ARHGAP42: variants seen among roughly 807,000 people sequenced by gnomAD.
The protein encoded by ARHGAP42 is rho GTPase-activating protein 42.
ARHGAP42 carries 63 observed loss-of-function variants against 125.0 expected under a neutral mutation model. That is an observed-to-expected ratio of 0.50 (90% CI 0.41 to 0.62). The LOEUF is 0.62. Ranked by LOEUF, ARHGAP42 falls within the 20% of genes least tolerant of loss-of-function variation. The pLI is 0.00. For missense variants in ARHGAP42, 766 were observed against 1,024.2 expected (o/e 0.75, Z 3.44); for synonymous variants, 339 against 351.0 (o/e 0.97, Z 0.38).
chr11:100,795,986 A>G (rs535101723), intron 3 of ARHGAP42, among the ~76,000 whole-genome samples: 3 of 152,244 alleles, frequency 2.0e-5, no homozygotes, highest in Non-Finnish European at 4.4e-5. Context: ...ATATACAGCC[A>G]TACTTCATTT....
At chr11:100,910,517 T>C (rs2135227296) in intron 4 of ARHGAP42, among the ~76,000 whole-genome samples, 1 of 152,176 alleles carries the variant, frequency 6.6e-6, no homozygotes, top group Non-Finnish European at 1.5e-5. Context: ...TGAACAGCAT[T>C]TAGGAACAAT....
chr11:100,948,197 A>T (rs890873680), intron 10 of ARHGAP42, among the ~76,000 whole-genome samples: 4 of 152,084 alleles, frequency 2.6e-5, no homozygotes, highest in African/African-American at 9.7e-5. Flanking sequence ...TCTCCTTCAG[A>T]CTGTCCTGTA....
intron 2 of ARHGAP42, among the ~76,000 whole-genome samples, chr11:100,793,725 C>T (rs1863632270): frequency 6.6e-6 from 1 of 152,070 alleles, no homozygotes; most frequent in African/African-American, 2.4e-5. Flanking sequence ...TCTGGTCTCA[C>T]AGGATGTTTC....
intron 1 of ARHGAP42, among the ~76,000 whole-genome samples, chr11:100,715,779 C>A (rs1406700261): frequency 1.3e-5 from 2 of 152,150 alleles, no homozygotes; most frequent in Non-Finnish European, 2.9e-5. Flanking sequence ...GATACTGGTG[C>A]ACTGTATTCT....
intron 22 of ARHGAP42, among the ~76,000 whole-genome samples, chr11:100,979,650 T>G (rs1195801167): frequency 6.6e-6 from 1 of 152,068 alleles, no homozygotes; most frequent in East Asian, 1.9e-4. Context: ...ACAGTGGGCT[T>G]CGGTTTTTAA....
chr11:100,714,769 C>G (rs1050545288), intron 1 of ARHGAP42, among the ~76,000 whole-genome samples: 6 of 152,022 alleles, frequency 3.9e-5, no homozygotes, highest in Non-Finnish European at 8.8e-5. Context: ...AGTGGTAACG[C>G]CTATAATCCC....
chr11:100,973,137 AT>A, intron 17 of ARHGAP42, 37 bp from the exon 18 acceptor site: 1 of 1,472,060 alleles, frequency 6.8e-7, no homozygotes, highest in Non-Finnish European at 9.1e-7. Context: ...ATTTTGAAAC[AT>A]ATAACTTAAG....
At chr11:100,831,383 A>G (rs899367513) in intron 3 of ARHGAP42, among the ~76,000 whole-genome samples, 5 of 152,248 alleles carry the variant, frequency 3.3e-5, no homozygotes, top group African/African-American at 1.2e-4. Flanking sequence ...GTAAAATTTT[A>G]CTAAGAAAAA....
chr11:100,835,245 A>G (rs1194992007), intron 3 of ARHGAP42, among the ~76,000 whole-genome samples: 3 of 152,276 alleles, frequency 2.0e-5, no homozygotes, highest in South Asian at 2.1e-4. Context: ...CTCCAGCATT[A>G]CATTAATCAT....
At chr11:100,945,431 G>A (rs933186099) in intron 10 of ARHGAP42, among the ~76,000 whole-genome samples, 2 of 152,028 alleles carry the variant, frequency 1.3e-5, no homozygotes, top group African/African-American at 4.8e-5. Flanking sequence ...CTTTCTAGAA[G>A]GTTTTCAGTG....
intron 4 of ARHGAP42, among the ~76,000 whole-genome samples, chr11:100,900,288 A>G (rs1866507451): frequency 6.6e-6 from 1 of 152,156 alleles, no homozygotes; most frequent in Non-Finnish European, 1.5e-5. Context: ...TGCTAATCTG[A>G]TGGGCTTCCC....
rs190534743 is a variant in ARHGAP42 at position 100,708,886 on chromosome 11, A to G, written c.154+21054A>G. ...AAAGTTTAATTTATAAATTAGGCAT[A>G]GTGAGAGATTAACAACAATAATCAT... is the stretch of plus-strand genomic sequence containing the variant. On this transcript the variant is annotated intron_variant, in intron 1 of 23. Coordinates refer to ENST00000298815, the MANE Select transcript of ARHGAP42 (RefSeq NM_152432.4). Among the ~76,000 whole-genome samples, 549 of 152,330 alleles carry G rather than the reference A, an allele frequency of 3.6e-3. 2 individuals are homozygous for G. The highest frequency in any genetic ancestry group is 3.7e-3 in the Non-Finnish European group (255 of 68,018).
rs780973163 is a variant in ARHGAP42 at position 100,892,436 on chromosome 11, A to G, written c.385-21016A>G. ...GAATATTGTATTTACTAAAAAATCC[A>G]TTGTGTTAGACTAAGTCAGTTTCTA... On this transcript the variant is annotated intron_variant, in intron 4 of 23. Transcript: ENST00000298815. Among the ~76,000 whole-genome samples, 29 of 151,932 alleles carry G rather than the reference A, an allele frequency of 1.9e-4. 1 individual carries two copies. Among genetic ancestry groups the G allele is most frequent in the Admixed American group, 6.6e-5 (1 of 15,256 alleles).
At chr11:100,726,924 G>T (rs969736091) in intron 1 of ARHGAP42, among the ~76,000 whole-genome samples, 2 of 152,202 alleles carry the variant, frequency 1.3e-5, no homozygotes, top group Non-Finnish European at 2.9e-5. Flanking sequence ...GATTCCAACA[G>T]GGAAGTGAGG....
intron 17 of ARHGAP42, among the ~76,000 whole-genome samples, chr11:100,968,524 T>G (rs1858157251): frequency 6.6e-6 from 1 of 152,188 alleles, no homozygotes; most frequent in South Asian, 2.1e-4. Context: ...GTGCTATCAT[T>G]AATAAACATG....
intron 3 of ARHGAP42, among the ~76,000 whole-genome samples, chr11:100,847,472 G>C (rs369443911): frequency 5.9e-5 from 9 of 152,286 alleles, no homozygotes; most frequent in African/African-American, 2.2e-4. Context: ...TGGATACTGG[G>C]CTAAAGGAAG....
In ARHGAP42 at chr11:100,917,761, A is replaced by G. The variant is rs181466882; in HGVS notation, c.487-3733A>G. The stretch of plus-strand genomic sequence containing the variant: ...AAATTTTTGTATTTTTAGTGGAGAC[A>G]GGGTTTCACTATGTTGGCCAGGCTG... On this transcript the variant is annotated intron_variant, in intron 5 of 23. Coordinates refer to ENST00000298815, the MANE Select transcript of ARHGAP42 (RefSeq NM_152432.4). Among the ~76,000 whole-genome samples the G allele has an allele frequency of 3.0e-3, 457 of 152,132 alleles. 2 individuals carry two copies. Among genetic ancestry groups the G allele is most frequent in the Non-Finnish European group, 4.9e-3 (333 of 67,990 alleles).
At position 100,903,709 on chromosome 11, in the gene ARHGAP42, AATATATATATATATATATATAT is replaced by A. The variant is rs139506492; in HGVS notation, c.385-9718_385-9697del. 9.9e-4 allele frequency among the ~76,000 whole-genome samples: 63 copies of A among 63,516 alleles called. 4 individuals are homozygous for A. The highest frequency in any genetic ancestry group is 2.9e-3 in the East Asian group (9 of 3,128). 41.7% of individuals were successfully genotyped at this position (63,516 alleles called of 152,430 possible). On this transcript the variant is annotated intron_variant, in intron 4 of 23. Transcript: ENST00000298815. ...ATGTATATATATACATGTCCCTCAA[AATATATATATATATATATATAT>A]ATATATATATATATATATATATATG...
At chr11:100,968,828 A>G (rs1254882049) in intron 17 of ARHGAP42, among the ~76,000 whole-genome samples, 1 of 152,182 alleles carries the variant, frequency 6.6e-6, no homozygotes, top group Non-Finnish European at 1.5e-5. Context: ...ATAATTATTA[A>G]TACATACATA....
Sources: gnomAD v4.1 joint callset for allele counts (sites outside exome capture counted in the v4.1 genomes callset) on GRCh38, gnomAD v4.1.1 for gene constraint, MANE v1.5 for transcripts, NCBI Gene and HGNC (gene_info 2026-07-23, HGNC 2026-07-21) for gene names.